The following KIAA1328 variants were observed in gnomAD, a reference collection of about 807,000 sequenced individuals.
KIAA1328 encodes KIAA1328.
A neutral mutation model predicts 68.1 loss-of-function variants in KIAA1328; 52 were observed. The observed-to-expected ratio is 0.76, with a 90% CI of 0.61 to 0.96. The LOEUF is 0.96. Ranked by LOEUF, KIAA1328 falls within the 40% of genes least tolerant of loss-of-function variation. The pLI, the probability that KIAA1328 is intolerant of heterozygous loss-of-function variation, is 0.00. For synonymous variants in KIAA1328, 232 were observed against 239.4 expected (o/e 0.97, Z 0.28); for missense variants, 641 against 677.6 (o/e 0.95, Z 0.60).
intron 3 of KIAA1328, among the ~76,000 whole-genome samples, chr18:36,838,479 G>T (rs1463449820): frequency 1.3e-5 from 2 of 152,126 alleles, no homozygotes; most frequent in Non-Finnish European, 2.9e-5. Flanking sequence ...TTCAGCTCAC[G>T]TATGTCTGAA....
chr18:37,096,919 C>T (rs562273269), intron 7 of KIAA1328, among the ~76,000 whole-genome samples: 21 of 151,892 alleles, frequency 1.4e-4, no homozygotes, highest in Non-Finnish European at 2.9e-4. Context: ...TTTGTTGGGG[C>T]CGTTTGTTTT....
chr18:37,184,557 T>C (rs2059758676), intron 9 of KIAA1328, among the ~76,000 whole-genome samples: 3 of 152,190 alleles, frequency 2.0e-5, no homozygotes, highest in Non-Finnish European at 2.9e-5. Context: ...ATGTTGACAG[T>C]GAGCAGAGCT....
chr18:37,224,731 G>A lies in KIAA1328; in HGVS notation c.*2504G>A. ...GTCTCAAGTCTCCCACCCTTGACTGGTTGGGATTTGCTCGTCCAGCCTCTA... is the reference window on the plus strand; with the variant it reads ...GTCTCAAGTCTCCCACCCTTGACTGATTGGGATTTGCTCGTCCAGCCTCTA... On this transcript the variant is annotated 3_prime_UTR_variant, in exon 10 of 10. Transcript: ENST00000280020. 1.0e-6 allele frequency: 1 copy of A among 985,422 alleles called. No individual in the cohort carries two copies. Among genetic ancestry groups the A allele is most frequent in the Non-Finnish European group, 1.2e-6 (1 of 829,938 alleles). The allele number at this position is 985,422 out of a possible 1,614,324, so 61.0% of individuals were successfully genotyped here. A position where few individuals can be genotyped will look rare whatever the true frequency, so the allele number is the denominator to read the frequency against.
At chr18:37,161,033 C>T (rs923609918) in intron 8 of KIAA1328, among the ~76,000 whole-genome samples, 2 of 152,226 alleles carry the variant, frequency 1.3e-5, no homozygotes, top group Middle Eastern at 6.8e-3. Context: ...AAGAATGGAG[C>T]AAGTCTGAGC....
At chr18:37,176,369 A>T (rs560514999) in intron 9 of KIAA1328, among the ~76,000 whole-genome samples, 1 of 152,348 alleles carries the variant, frequency 6.6e-6, no homozygotes, top group Admixed American at 6.5e-5. Context: ...GCACCTTTGT[A>T]TGTAGAAATA....
chr18:37,160,419 G>A (rs1167088180), intron 8 of KIAA1328, 38 bp downstream of exon 8: 2 of 1,549,502 alleles, frequency 1.3e-6, no homozygotes, highest in African/African-American at 1.4e-5. Flanking sequence ...TGAGAAACTG[G>A]TAGGGGAAGG....
At chr18:36,901,271 T>C (rs1335831585) in intron 5 of KIAA1328, among the ~76,000 whole-genome samples, 1 of 152,036 alleles carries the variant, frequency 6.6e-6, no homozygotes, top group Non-Finnish European at 1.5e-5. Flanking sequence ...TCTTAGCTTT[T>C]TGTTTACATT....
chr18:36,932,617 A>G (rs1014935615), intron 5 of KIAA1328, among the ~76,000 whole-genome samples: 1 of 152,240 alleles, frequency 6.6e-6, no homozygotes, highest in Non-Finnish European at 1.5e-5. Context: ...AGGTAGCTCC[A>G]TAGCATATGC....
intron 6 of KIAA1328, among the ~76,000 whole-genome samples, chr18:37,026,145 C>A (rs1568307889): frequency 6.6e-6 from 1 of 152,158 alleles, no homozygotes; most frequent in Non-Finnish European, 1.5e-5. Flanking sequence ...AATTTCTCGA[C>A]ACATACACCC....
intron 8 of KIAA1328, among the ~76,000 whole-genome samples, chr18:37,163,705 G>A (rs958258195): frequency 6.6e-6 from 1 of 152,162 alleles, no homozygotes; most frequent in African/African-American, 2.4e-5. Flanking sequence ...CATGCTTAAA[G>A]AAATGAACAA....
At chr18:37,057,785 A>G (rs1036522709) in intron 6 of KIAA1328, among the ~76,000 whole-genome samples, 1 of 152,164 alleles carries the variant, frequency 6.6e-6, no homozygotes, top group Admixed American at 6.5e-5. Flanking sequence ...ACTGTAACAC[A>G]GATACAACCA....
At chr18:37,072,303 T>C (rs1270249443) in intron 7 of KIAA1328, among the ~76,000 whole-genome samples, 3 of 151,972 alleles carry the variant, frequency 2.0e-5, no homozygotes, top group African/African-American at 7.2e-5. Flanking sequence ...GGGTTGCTTT[T>C]TTTTTTTCTA....
intron 4 of KIAA1328, among the ~76,000 whole-genome samples, chr18:36,852,071 C>T (rs1366451916): frequency 2.6e-5 from 4 of 152,056 alleles, no homozygotes; most frequent in Non-Finnish European, 5.9e-5. Context: ...TTAATTTCCA[C>T]ATATTTGTGC....
At chr18:37,002,065 G>C (rs565593926) in intron 6 of KIAA1328, among the ~76,000 whole-genome samples, 1 of 152,080 alleles carries the variant, frequency 6.6e-6, no homozygotes, top group Non-Finnish European at 1.5e-5. Context: ...AAATCAAATT[G>C]TTCCTTGGTA....
intron 4 of KIAA1328, among the ~76,000 whole-genome samples, chr18:36,857,354 T>G (rs1448103736): frequency 6.6e-6 from 1 of 152,204 alleles, no homozygotes; most frequent in African/African-American, 2.4e-5. Flanking sequence ...CATCTTTAAG[T>G]GATTTTGACA....
chr18:37,167,853 C>G (rs965165484), intron 8 of KIAA1328, among the ~76,000 whole-genome samples: 1 of 152,128 alleles, frequency 6.6e-6, no homozygotes, highest in African/African-American at 2.4e-5. Flanking sequence ...GGACCCTGCC[C>G]TTTTCATCCC....
Position 36,885,536 on chromosome 18 carries a change from GTT to G in KIAA1328, c.333-9_333-8del, listed in dbSNP as rs752016737. ...AATTTTATTCTGATAGATGTTAAAG[GTT>G]TTTTTTTTTTTATTTCAGAGTAAGT... On this transcript the variant is annotated intron_variant, in intron 4 of 9. Coordinates refer to ENST00000280020, the MANE Select transcript of KIAA1328 (RefSeq NM_020776.3). 689 of 1,050,794 alleles carry G rather than the reference GTT, an allele frequency of 6.6e-4. No individual in the cohort carries two copies. The highest frequency in any genetic ancestry group is 1.4e-3 in the South Asian group (78 of 56,462). The allele number at this position is 1,050,794 out of a possible 1,614,324, so 65.1% of individuals were successfully genotyped here. A position where few individuals can be genotyped will look rare whatever the true frequency, so the allele number is the denominator to read the frequency against.
At chr18:36,860,944 C>T (rs2047546060) in intron 4 of KIAA1328, among the ~76,000 whole-genome samples, 2 of 152,014 alleles carry the variant, frequency 1.3e-5, no homozygotes, top group East Asian at 1.9e-4. Flanking sequence ...GGTTCTCTTC[C>T]CTTCCCCTAG....
Position 37,067,279 on chromosome 18 carries a change from C to T in KIAA1328, c.966C>T (p.Asn322=). 6.2e-7 allele frequency: 1 copy of T among 1,614,008 alleles called. No homozygotes were observed. Among genetic ancestry groups the T allele is most frequent in the Non-Finnish European group, 8.5e-7 (1 of 1,179,890 alleles). ...GTGTTCATGACAGCCATCCTACAAA[C>T]ATGACCCCTCAACATCCTAAGACAC... The part of the protein sequence containing the change: ...ADRVHDSHPT[N]MTPQHPKTHP... Residue 322 remains asparagine, a synonymous_variant, in exon 7 of 10, where the codon AAC becomes AAT. Coordinates refer to ENST00000280020, the MANE Select transcript of KIAA1328 (RefSeq NM_020776.3).
Sources: gnomAD v4.1 joint callset for allele counts (sites outside exome capture counted in the v4.1 genomes callset) on GRCh38, gnomAD v4.1.1 for gene constraint, MANE v1.5 for transcripts, NCBI Gene and HGNC (gene_info 2026-07-23, HGNC 2026-07-21) for gene names.